TTC7B: variants seen among roughly 807,000 people sequenced by gnomAD.
TTC7B encodes tetratricopeptide repeat protein 7B.
A neutral mutation model predicts 106.8 loss-of-function variants in TTC7B; 28 were observed. The ratio of observed to expected loss-of-function variants is 0.26; its 90% CI spans 0.19 to 0.36. The LOEUF (loss-of-function observed/expected upper bound fraction) is 0.36, where lower values mean the gene tolerates loss of function less well. Ranked by LOEUF, TTC7B falls within the 10% of genes least tolerant of loss-of-function variation. The probability of loss-of-function intolerance (pLI) is 1.00; values close to 1 mark genes in which losing one functional copy is unlikely to be tolerated. For synonymous variants in TTC7B, 405 were observed against 430.6 expected, an observed-to-expected ratio of 0.94 and a Z score of 0.74; for missense variants, 862 against 1,076.4, an observed-to-expected ratio of 0.80 and a Z score of 2.79.
rs925174741 is a variant in TTC7B at position 90,759,809 on chromosome 14, A to G, written c.446-14887T>C. Among the ~76,000 whole-genome samples the G allele has an allele frequency of 6.6e-6, 1 of 152,212 alleles. No individual in the cohort carries two copies. Among genetic ancestry groups the G allele is most frequent in the Non-Finnish European group, 1.5e-5 (1 of 68,042 alleles). On this transcript the variant is annotated intron_variant, in intron 3 of 19. Coordinates refer to ENST00000328459, the MANE Select transcript of TTC7B (RefSeq NM_001010854.2). This position sits in a 1 kb window ranked among gnomAD's most constrained non-coding sequence, Gnocchi z 4.1. ...GTTATTCAGCTAGAGTTTATCTTCA[A>G]TAGTGTGCCCCTGGATGCCAGGGCA...
intron 15 of TTC7B, among the ~76,000 whole-genome samples, chr14:90,631,196 A>G (rs1046101915): frequency 3.3e-5 from 5 of 152,188 alleles, no homozygotes; most frequent in Admixed American, 1.3e-4. Context: ...CATTTTGTTT[A>G]ACCATTCATT....
chr14:90,713,675 C>T (rs1251444770), intron 5 of TTC7B, among the ~76,000 whole-genome samples: 1 of 152,142 alleles, frequency 6.6e-6, no homozygotes, highest in African/African-American at 2.4e-5. Context: ...CCCATCAATC[C>T]CACTCCTATG....
intron 19 of TTC7B, chr14:90,567,552 TGGA>T (rs1566774108): frequency 6.6e-6 from 1 of 152,214 alleles, no homozygotes; most frequent in African/African-American, 2.4e-5. Context: ...GCGTTAGCCC[TGGA>T]GGAGTTCAGA....
intron 17 of TTC7B, chr14:90,605,820 A>G: frequency 8.6e-7 from 1 of 1,165,690 alleles, no homozygotes; most frequent in Non-Finnish European, 1.1e-6. Context: ...AACACAAAGA[A>G]AAAAATAAAC....
rs531863944 is a variant in TTC7B, at chr14:90,743,303, C to T, written c.576+1489G>A. ...TGCTGTGATTCTCACTCTAATCTCC[C>T]TGCCTCCTAAAAAGGCAATTCTGAT... On this transcript the variant is annotated intron_variant, in intron 4 of 19. Coordinates refer to ENST00000328459, the MANE Select transcript of TTC7B (RefSeq NM_001010854.2). Among the ~76,000 whole-genome samples the T allele has an allele frequency of 6.6e-5, 10 of 152,280 alleles. No individual in the cohort carries two copies. In the South Asian group the frequency reaches 2.1e-3, roughly 32 times the overall value.
intron 19 of TTC7B, among the ~76,000 whole-genome samples, chr14:90,562,976 C>G (rs958517219): frequency 6.6e-6 from 1 of 152,184 alleles, no homozygotes; most frequent in Non-Finnish European, 1.5e-5. Context: ...CGCACCATAC[C>G]CTGCACATCT....
chr14:90,678,974 G>T (rs1182031401), intron 8 of TTC7B, among the ~76,000 whole-genome samples: 1 of 152,190 alleles, frequency 6.6e-6, no homozygotes, highest in Non-Finnish European at 1.5e-5. Flanking sequence ...GACCCAACTT[G>T]GGATGAGGGA....
chr14:90,534,384 C>G lies in TTC7B; in HGVS notation c.*6984G>C, dbSNP rs563529532. On this transcript the variant is annotated 3_prime_UTR_variant, in exon 20 of 20. Transcript: ENST00000328459. The stretch of plus-strand genomic sequence containing the variant: ...CCAGTGCGGCTGCTACTGCCCGCCT[C>G]CCCCGGAGGACTCCGGCCAGGCCTC... The G allele has an allele frequency of 5.5e-4, 84 of 152,540 alleles. No homozygotes were observed. Among genetic ancestry groups the G allele is most frequent in the African/African-American group, 1.9e-3 (79 of 41,594 alleles). 9.4% of individuals were successfully genotyped at this position (152,540 alleles called of 1,614,324 possible). A position where few individuals can be genotyped will look rare whatever the true frequency, so the allele number is the denominator to read the frequency against.
intron 1 of TTC7B, among the ~76,000 whole-genome samples, chr14:90,791,698 C>G (rs374304806): frequency 6.6e-6 from 1 of 152,160 alleles, no homozygotes; most frequent in African/African-American, 2.4e-5. Flanking sequence ...CCCCCATAGG[C>G]TGGACCTTGG....
intron 5 of TTC7B, among the ~76,000 whole-genome samples, chr14:90,726,223 C>A (rs1344046534): frequency 1.3e-5 from 2 of 152,226 alleles, no homozygotes; most frequent in Non-Finnish European, 2.9e-5. Context: ...CCGAGGGGAA[C>A]CCGAGGGTGA....
At chr14:90,562,383 G>A (rs927351885) in intron 19 of TTC7B, among the ~76,000 whole-genome samples, 1 of 152,168 alleles carries the variant, frequency 6.6e-6, no homozygotes, top group African/African-American at 2.4e-5. Context: ...GACTGTCAAC[G>A]TGTTATGACA....
chr14:90,633,622 G>C (rs908085180), intron 15 of TTC7B, among the ~76,000 whole-genome samples: 1 of 152,094 alleles, frequency 6.6e-6, no homozygotes, highest in Non-Finnish European at 1.5e-5. Context: ...CAAAGCTCTC[G>C]ACCAACAGTG....
intron 1 of TTC7B, among the ~76,000 whole-genome samples, chr14:90,813,471 G>A (rs6575153): frequency 0.33 from 50,377 of 151,954 alleles, 8,716 homozygotes; most frequent in Non-Finnish European, 0.36. Flanking sequence ...AGGAAGGAAG[G>A]AATGAGTGGC....
At chr14:90,571,949 TTCA>T (rs1891052095) in intron 19 of TTC7B, among the ~76,000 whole-genome samples, 1 of 152,188 alleles carries the variant, frequency 6.6e-6, no homozygotes, top group Admixed American at 6.5e-5. Flanking sequence ...CCCTGGGAAG[TTCA>T]TCATCTTCAT....
At position 90,532,958 on chromosome 14, in the gene TTC7B, G is replaced by T. The variant is rs1191156676; in HGVS notation, c.*8410C>A. The T allele has an allele frequency of 6.6e-6, 1 of 152,306 alleles. No individual in the cohort carries two copies. The highest frequency in any genetic ancestry group is 6.5e-5 in the Admixed American group (1 of 15,286). 9.4% of individuals were successfully genotyped at this position (152,306 alleles called of 1,614,324 possible). A position where few individuals can be genotyped will look rare whatever the true frequency, so the allele number is the denominator to read the frequency against. ...ATGCCCGGGGGAGGAGCCATGCAGG[G>T]GTAGGGCTGGGCTGTGCTCGGCCAT... On this transcript the variant is annotated 3_prime_UTR_variant, in exon 20 of 20. Transcript: ENST00000328459.
At chr14:90,693,117 AT>A (rs1887539514) in intron 6 of TTC7B, among the ~76,000 whole-genome samples, 2 of 152,314 alleles carry the variant, frequency 1.3e-5, no homozygotes, top group East Asian at 1.9e-4. Flanking sequence ...TAAAGGATTC[AT>A]GATAAAGAAA....
At chr14:90,809,216 A>G (rs2030765596) in intron 1 of TTC7B, among the ~76,000 whole-genome samples, 1 of 152,240 alleles carries the variant, frequency 6.6e-6, no homozygotes, top group Admixed American at 6.5e-5. Flanking sequence ...TTCCAGGGGA[A>G]AAAGAGAGAC....
chr14:90,799,864 C>G (rs928590216), intron 1 of TTC7B, among the ~76,000 whole-genome samples: 1 of 152,126 alleles, frequency 6.6e-6, no homozygotes, highest in African/African-American at 2.4e-5. Flanking sequence ...GAGTCTCGCT[C>G]TGTCGCCCAG....
In TTC7B at chr14:90,683,833, G is replaced by C. The variant is rs181033498; in HGVS notation, c.951-3298C>G. Among the ~76,000 whole-genome samples the C allele has an allele frequency of 2.0e-5, 3 of 152,306 alleles. No individual in the cohort carries two copies. In the East Asian group the frequency reaches 5.8e-4, roughly 29 times the overall value. On this transcript the variant is annotated intron_variant, in intron 7 of 19. Coordinates refer to ENST00000328459, the MANE Select transcript of TTC7B (RefSeq NM_001010854.2). ...GGCAAGGAGATGACAGGCAGCCAAC[G>C]GTGTAGCTGGTCGTTTACACAGCTT... is the stretch of plus-strand genomic sequence containing the variant.
Sources: gnomAD v4.1 joint callset for allele counts (sites outside exome capture counted in the v4.1 genomes callset) on GRCh38, gnomAD v4.1.1 for gene constraint, Gnocchi (gnomAD v3.1) non-coding constraint, MANE v1.5 for transcripts, NCBI Gene and HGNC (gene_info 2026-07-23, HGNC 2026-07-21) for gene names.